The following MYO1H variants were observed in gnomAD, a reference collection of about 807,000 sequenced individuals.
MYO1H encodes the protein myosin IH.
Under a neutral mutation model 149.3 loss-of-function variants are expected in MYO1H, and 118 were observed. The ratio of observed to expected loss-of-function variants is 0.79; its 90% CI spans 0.68 to 0.92. The LOEUF is 0.92. MYO1H is among the 40% of genes least tolerant of loss of function. MYO1H has a pLI of 0.00. For missense variants in MYO1H, 1,212 were observed against 1,280.7 expected (o/e 0.95, Z 0.82); for synonymous variants, 447 against 465.2 (o/e 0.96, Z 0.50).
At chr12:109,322,468 TTTTG>T in the MYO1H span, among the ~76,000 whole-genome samples, 5,890 of 152,218 alleles carry the variant, frequency 0.039, 314 homozygotes, top group East Asian at 0.15. Flanking sequence ...AGTTACTGCT[TTTTG>T]TTTGTTTGTT....
At chr12:109,443,009 A>AATATATATATATATAT (rs1335069078) in intron 27 of MYO1H, among the ~76,000 whole-genome samples, 1 of 58,492 alleles carries the variant, frequency 1.7e-5, no homozygotes, top group African/African-American at 1.1e-4. Context: ...AAAAAAAAAA[A>AATATATATATATATAT]ATATATATAT....
chr12:109,439,561 A>G, intron 23 of MYO1H, 70 bp from the exon 24 acceptor site: 1 of 1,492,328 alleles, frequency 6.7e-7, no homozygotes, highest in Non-Finnish European at 9.1e-7. Context: ...TGAATCAAAG[A>G]AGGGGGAAGA....
rs10633763 is a variant in MYO1H at position 109,349,961 on chromosome 12, G to GA, written c.12+2002dup. Among the ~76,000 whole-genome samples, 368 of 131,848 alleles carry GA rather than the reference G, an allele frequency of 2.8e-3. 3 individuals are homozygous for GA. Among genetic ancestry groups the GA allele is most frequent in the East Asian group, 0.017 (82 of 4,686 alleles). 86.5% of individuals were successfully genotyped at this position (131,848 alleles called of 152,430 possible). On this transcript the variant is annotated intron_variant, in intron 1 of 31. Coordinates refer to ENST00000310903, the Ensembl canonical transcript of MYO1H. The stretch of plus-strand genomic sequence containing the variant: ...GGGCGACAGAGCAAGACTCTGTCTT[G>GA]AAAAAAAAAAAAAGTTAATATTATT...
chr12:109,340,697 T>G, the MYO1H span, among the ~76,000 whole-genome samples: 1 of 145,844 alleles, frequency 6.9e-6, no homozygotes, highest in Non-Finnish European at 1.5e-5. Context: ...ATTACATTCA[T>G]GTATTTTTTG....
At chr12:109,442,992 G>T (rs1872215351) in intron 27 of MYO1H, among the ~76,000 whole-genome samples, 1 of 88,342 alleles carries the variant, frequency 1.1e-5, no homozygotes, top group African/African-American at 5.5e-5. Context: ...CATGCAGAGA[G>T]CCAGGAAAAA....
At chr12:109,386,995 CGTGTGTGTGTGTGTGTGT>C (rs55675476) in intron 1 of MYO1H, among the ~76,000 whole-genome samples, 11,103 of 141,140 alleles carry the variant, frequency 0.079, 498 homozygotes, top group South Asian at 0.12. Context: ...ATCTCAAGTT[CGTGTGTGTGTGTGTGTGT>C]GTGTGTGTGT....
At chr12:109,444,130 C>T in intron 28 of MYO1H, 83 bp from the exon 29 acceptor site, 1 of 1,024,276 alleles carries the variant, frequency 9.8e-7, no homozygotes, top group Non-Finnish European at 1.5e-6. Context: ...TGGTGTTGGG[C>T]AGCCCCTGGG....
At chr12:109,319,911 G>T in the MYO1H span, among the ~76,000 whole-genome samples, 2 of 152,186 alleles carry the variant, frequency 1.3e-5, no homozygotes, top group Admixed American at 1.3e-4. Context: ...AGAGGAAACA[G>T]AACAGATTGT....
chr12:109,358,846 T>TAAAA (rs541289093), intron 1 of MYO1H, among the ~76,000 whole-genome samples: 13 of 84,532 alleles, frequency 1.5e-4, no homozygotes, highest in African/African-American at 6.7e-4. Flanking sequence ...CCTGTGGTGT[T>TAAAA]AAAAAAAAAA....
the MYO1H span, among the ~76,000 whole-genome samples, chr12:109,313,895 G>A: frequency 6.6e-5 from 10 of 151,778 alleles, no homozygotes; most frequent in African/African-American, 2.4e-4. Context: ...TTTGTTTCTC[G>A]TTTTTTTAGA....
At chr12:109,344,521 G>A (rs1359245099), upstream of MYO1H, among the ~76,000 whole-genome samples, 9 of 152,188 alleles carry the variant, frequency 5.9e-5, no homozygotes, top group Non-Finnish European at 1.3e-4. Flanking sequence ...TATGCTCACA[G>A]ATTGGAAGAC....
chr12:109,380,462 A>G (rs1436241787), intron 1 of MYO1H, among the ~76,000 whole-genome samples: 1 of 152,218 alleles, frequency 6.6e-6, no homozygotes, highest in East Asian at 1.9e-4. Context: ...GTGTCTCTAC[A>G]ATTCCAGTGA....
intron 15 of MYO1H, among the ~76,000 whole-genome samples, chr12:109,416,306 C>A (rs532160234): frequency 6.6e-6 from 1 of 152,044 alleles, no homozygotes; most frequent in Admixed American, 6.6e-5. Flanking sequence ...CCTCTAACCC[C>A]ACCCCTTCCC....
the MYO1H span, among the ~76,000 whole-genome samples, chr12:109,325,860 C>T: frequency 2.0e-4 from 31 of 152,226 alleles, no homozygotes; most frequent in African/African-American, 7.0e-4. Flanking sequence ...AAATCAAAAC[C>T]ACAATGAGAT....
intron 1 of MYO1H, among the ~76,000 whole-genome samples, chr12:109,352,782 A>T (rs1024007474): frequency 6.6e-6 from 1 of 152,188 alleles, no homozygotes; most frequent in African/African-American, 2.4e-5. Context: ...ACATCAGCAT[A>T]CTTCCCCTAA....
chr12:109,323,305 A>G, the MYO1H span, among the ~76,000 whole-genome samples: 1 of 152,224 alleles, frequency 6.6e-6, no homozygotes, highest in Non-Finnish European at 1.5e-5. Context: ...TTTGTAATAC[A>G]CATTGAAAGA....
chr12:109,447,450 T>A (rs1872532413), exon 32 of MYO1H: 1 of 578,378 alleles, frequency 1.7e-6, no homozygotes, highest in Non-Finnish European at 3.1e-6. Context: ...CTCGACAGGA[T>A]CTATGTTCAG....
intron 1 of MYO1H, among the ~76,000 whole-genome samples, chr12:109,375,949 G>A (rs542968385): frequency 3.9e-5 from 6 of 152,236 alleles, no homozygotes; most frequent in South Asian, 2.1e-4. Context: ...ACTACACTTC[G>A]GCGTGGGCAA....
At chr12:109,399,358 G>A (rs1246591018) in intron 5 of MYO1H, among the ~76,000 whole-genome samples, 2 of 151,956 alleles carry the variant, frequency 1.3e-5, no homozygotes, top group African/African-American at 4.8e-5. Flanking sequence ...TTGGGAGGCC[G>A]AGGTGGGCAG....
Sources: allele counts gnomAD v4.1 joint callset (sites outside exome capture counted in the v4.1 genomes callset), GRCh38; gene constraint gnomAD v4.1.1; transcripts MANE v1.5; gene names NCBI Gene and HGNC (gene_info 2026-07-23, HGNC 2026-07-21).